Variants in PCDHA7 observed in about 807,000 individuals in gnomAD.
PCDHA7 encodes the protein protocadherin alpha-7.
Under a neutral mutation model 57.2 loss-of-function variants are expected in PCDHA7, and 37 were observed. That is an observed-to-expected ratio of 0.65 (90% CI 0.50 to 0.85). PCDHA7 has a LOEUF of 0.85. PCDHA7 is among the 40% of genes least tolerant of loss of function. PCDHA7 has a pLI of 0.00. For synonymous variants in PCDHA7, 553 were observed against 558.8 expected (o/e 0.99, Z 0.15); for missense variants, 1,188 against 1,241.8 (o/e 0.96, Z 0.65).
At chr5:140,940,258 C>A (rs2092581637) in intron 1 of PCDHA7, among the ~76,000 whole-genome samples, 1 of 152,130 alleles carries the variant, frequency 6.6e-6, no homozygotes, top group South Asian at 2.1e-4. Flanking sequence ...TCAATATCTT[C>A]TGGGTTCCAC....
chr5:140,923,459 G>T (rs549692824), intron 1 of PCDHA7, among the ~76,000 whole-genome samples: 6 of 152,192 alleles, frequency 3.9e-5, no homozygotes, highest in Admixed American at 3.9e-4. Flanking sequence ...GCCCAGAGAG[G>T]TAGGGGCTGC....
At position 141,011,529 on chromosome 5, in the gene PCDHA7, G is replaced by A. The variant is rs2098420955; in HGVS notation, c.*1592G>A. On this transcript the variant is annotated 3_prime_UTR_variant, in exon 4 of 4. Coordinates refer to ENST00000525929, the MANE Select transcript of PCDHA7 (RefSeq NM_018910.3). ...GTGGAGTAGTGTTTTTTTAACCATT[G>A]TTAATCAGCTTTTGTGTATGAAAGA... 1.3e-5 allele frequency: 2 copies of A among 153,538 alleles called. No homozygotes were observed. The highest frequency in any genetic ancestry group is 3.9e-4 in the East Asian group (2 of 5,188). The allele number at this position is 153,538 out of a possible 1,614,324, so 9.5% of individuals were successfully genotyped here.
At chr5:140,877,198 G>C (rs781787046) in intron 1 of PCDHA7, 26 of 1,613,712 alleles carry the variant, frequency 1.6e-5, no homozygotes, top group Non-Finnish European at 2.2e-5. Flanking sequence ...CGCAGGAGGC[G>C]CAGTTAGCGA....
intron 1 of PCDHA7, among the ~76,000 whole-genome samples, chr5:140,917,333 G>C (rs1301739777): frequency 6.7e-5 from 10 of 148,748 alleles, no homozygotes; most frequent in East Asian, 2.0e-4. Flanking sequence ...GCGGGGGAGG[G>C]GGGGGATGGT....
rs114851794 is a variant in PCDHA7, at chr5:140,908,247, A to G, written c.2356-70702A>G. ...GTCCTTAGTCTTCTCTTCCTCATCA[A>G]CTGATCATAGGGAACTCCCCATGAG... On this transcript the variant is annotated intron_variant, in intron 1 of 3. Coordinates refer to ENST00000525929, the MANE Select transcript of PCDHA7 (RefSeq NM_018910.3). Among the ~76,000 whole-genome samples, 435 of 152,170 alleles carry G rather than the reference A, an allele frequency of 2.9e-3. 1 individual carries two copies. Among genetic ancestry groups the G allele is most frequent in the African/African-American group, 9.6e-3 (400 of 41,506 alleles).
chr5:140,835,471 C>A lies in PCDHA7; in HGVS notation c.1088C>A (p.Ala363Asp), dbSNP rs1453069564. The A allele has an allele frequency of 1.2e-6, 2 of 1,613,816 alleles. No individual in the cohort carries two copies. The highest frequency in any genetic ancestry group is 1.7e-5 in the Admixed American group (1 of 59,996). The change falls in exon 1 of 4, where the codon GCC becomes GAC. Residue 363 changes from alanine to aspartate, a missense_variant. Transcript: ENST00000525929. ...TSLSLPIPEDAQPGTVITLIS... is the reference protein window; with the variant it reads ...TSLSLPIPEDDQPGTVITLIS... ...CTGTCTCTCCCTATTCCAGAGGACG[C>A]CCAACCAGGTACCGTCATCACATTG...
At chr5:140,977,284 G>T (rs1377580391) in intron 1 of PCDHA7, among the ~76,000 whole-genome samples, 1 of 152,210 alleles carries the variant, frequency 6.6e-6, no homozygotes, top group Admixed American at 6.5e-5. Flanking sequence ...TCAAAGGAAG[G>T]TTCTCTCAGC....
intron 1 of PCDHA7, chr5:140,870,821 G>T: frequency 1.9e-6 from 3 of 1,613,736 alleles, no homozygotes; most frequent in South Asian, 1.1e-5. Context: ...GGCAGCGCGG[G>T]AGGCGCAGTT....
At chr5:140,877,811 G>A in intron 1 of PCDHA7, 1 of 1,610,242 alleles carries the variant, frequency 6.2e-7, no homozygotes, top group Non-Finnish European at 8.5e-7. Context: ...CAGCTGTCTC[G>A]AGAAGATTGT....
intron 1 of PCDHA7, among the ~76,000 whole-genome samples, chr5:140,964,412 GC>G (rs1330052602): frequency 7.9e-5 from 12 of 152,126 alleles, no homozygotes; most frequent in African/African-American, 2.9e-4. Flanking sequence ...ACATTTGGGG[GC>G]TTCCATTAAA....
chr5:140,875,695 C>T (rs782520558), intron 1 of PCDHA7: 4 of 1,613,962 alleles, frequency 2.5e-6, no homozygotes, highest in East Asian at 2.2e-5. Context: ...CGGGGACCTT[C>T]TGGAGGTAAA....
intron 1 of PCDHA7, chr5:140,928,551 G>A (rs782615304): frequency 2.5e-6 from 4 of 1,614,044 alleles, no homozygotes; most frequent in Non-Finnish European, 2.5e-6. Context: ...ACAATTATCC[G>A]GTTATCTTGT....
At chr5:140,868,341 T>C (rs1554161894) in intron 1 of PCDHA7, 1 of 152,158 alleles carries the variant, frequency 6.6e-6, no homozygotes, top group African/African-American at 2.4e-5. Flanking sequence ...AAGTCACTTA[T>C]AATCAGAAAG....
intron 1 of PCDHA7, among the ~76,000 whole-genome samples, chr5:140,954,220 T>C (rs782685715): frequency 2.0e-5 from 3 of 152,240 alleles, no homozygotes; most frequent in African/African-American, 4.8e-5. Context: ...GTTTTTGCTA[T>C]TGTGAATAGT....
Position 140,843,872 on chromosome 5 carries a change from G to A in PCDHA7, c.2355+7134G>A, listed in dbSNP as rs2150367258. ...TTTTATAATTAATTGAATTTTCTCA[G>A]TGGCATAATACAGTATTAATCATTC... On this transcript the variant is annotated intron_variant, in intron 1 of 3. Transcript: ENST00000525929. The A allele has an allele frequency of 1.5e-4, 121 of 801,174 alleles. 7 individuals carry two copies. The highest frequency in any genetic ancestry group is 2.3e-4 in the Non-Finnish European group (116 of 509,628). The allele number at this position is 801,174 out of a possible 1,614,324, so 49.6% of individuals were successfully genotyped here.
intron 1 of PCDHA7, chr5:140,871,278 G>A: frequency 6.2e-7 from 1 of 1,613,918 alleles, no homozygotes; most frequent in African/African-American, 1.3e-5. Context: ...GGTCGGCAAC[G>A]CCCACTGAGG....
At chr5:140,967,146 A>G (rs782158011) in intron 1 of PCDHA7, 2 of 1,610,972 alleles carry the variant, frequency 1.2e-6, no homozygotes, top group South Asian at 1.1e-5. Flanking sequence ...CTGGCGCACA[A>G]CCCCGTGGCG....
intron 1 of PCDHA7, among the ~76,000 whole-genome samples, chr5:140,925,729 A>AAATATTTACAGAAAG (rs1334705925): frequency 8.6e-5 from 13 of 151,770 alleles, no homozygotes; most frequent in African/African-American, 2.9e-4. Context: ...GGTGTTTTCT[A>AAATATTTACAGAAAG]AATATTTACA....
chr5:140,869,973 C>A (rs782664221), intron 1 of PCDHA7: 2 of 1,613,100 alleles, frequency 1.2e-6, no homozygotes, highest in Admixed American at 1.7e-5. Context: ...ATGGAAGACA[C>A]TTATTTACAC....
Sources: allele counts gnomAD v4.1 joint callset (sites outside exome capture counted in the v4.1 genomes callset), GRCh38; gene constraint gnomAD v4.1.1; transcripts MANE v1.5; gene names NCBI Gene and HGNC (gene_info 2026-07-23, HGNC 2026-07-21).